CFL2: variants seen among roughly 807,000 people sequenced by gnomAD.
CFL2 encodes the protein cofilin 2, also known as cofilin-2.
A neutral mutation model predicts 19.6 loss-of-function variants in CFL2; 10 were observed. The ratio of observed to expected loss-of-function variants is 0.51; its 90% CI spans 0.31 to 0.86. CFL2 has a LOEUF of 0.86. Among genes scored for constraint, CFL2 ranks in the 40% least tolerant of loss-of-function variants. The pLI, the probability that CFL2 is intolerant of heterozygous loss-of-function variation, is 0.04. For synonymous variants in CFL2, 63 were observed against 66.7 expected, an observed-to-expected ratio of 0.95 and a Z score of 0.27; for missense variants, 125 against 192.1, an observed-to-expected ratio of 0.65 and a Z score of 2.06.
chr14:34,714,210 C>A, intron 1 of CFL2: 1 of 394,126 alleles, frequency 2.5e-6, no homozygotes, highest in Non-Finnish European at 4.5e-6. Flanking sequence ...TTTAAAGCCT[C>A]GCGTGTTAAG....
In CFL2 at chr14:34,709,536, A is replaced by G; in HGVS notation, c.*3329T>C. On this transcript the variant is annotated 3_prime_UTR_variant, in exon 4 of 4. Coordinates refer to ENST00000298159, the MANE Select transcript of CFL2 (RefSeq NM_138638.5). ...TGCATGCAATCCTAGCACTTTTGGG[A>G]GGCGGAGGTCAGAGGACAGCTTGAG... 1 of 149,784 alleles carries G rather than the reference A, an allele frequency of 6.7e-6. No individual in the cohort carries two copies. The highest frequency in any genetic ancestry group is 1.5e-5 in the Non-Finnish European group (1 of 67,738). The allele number at this position is 149,784 out of a possible 1,614,324, so 9.3% of individuals were successfully genotyped here.
rs1885329852 is a variant in CFL2, at chr14:34,712,378, T to C, written c.*487A>G. ...AAAGTGCTTTTAATGCATAGTGTTA[T>C]ATCCGTGCTGCCATATCACTAAAAT... is the stretch of plus-strand genomic sequence containing the variant. On this transcript the variant is annotated 3_prime_UTR_variant, in exon 4 of 4. Coordinates refer to ENST00000298159, the MANE Select transcript of CFL2 (RefSeq NM_138638.5). 1 of 454,640 alleles carries C rather than the reference T, an allele frequency of 2.2e-6. No individual in the cohort carries two copies. Among genetic ancestry groups the C allele is most frequent in the Non-Finnish European group, 4.4e-6 (1 of 226,944 alleles). The allele number at this position is 454,640 out of a possible 1,614,324, so 28.2% of individuals were successfully genotyped here.
In CFL2 at chr14:34,712,675, A is replaced by G; in HGVS notation, c.*190T>C. ...TCCTTGGGTTCTATATAAAAGTAAC[A>G]GTATTCAACAGTCTAATGGCAATCA... On this transcript the variant is annotated 3_prime_UTR_variant, in exon 4 of 4. Transcript: ENST00000298159. 1 of 685,998 alleles carries G rather than the reference A, an allele frequency of 1.5e-6. No homozygotes were observed. The highest frequency in any genetic ancestry group is 1.5e-5 in the South Asian group (1 of 66,594). The allele number at this position is 685,998 out of a possible 1,614,324, so 42.5% of individuals were successfully genotyped here. A position where few individuals can be genotyped will look rare whatever the true frequency, so the allele number is the denominator to read the frequency against.
In CFL2 at chr14:34,712,055, G is replaced by C. The variant is rs1472112886; in HGVS notation, c.*810C>G. ...TATTGCAACGTGGCCATTTTTGTGA[G>C]GGTGGGGAGTTTGATCTCAAAACAA... On this transcript the variant is annotated 3_prime_UTR_variant, in exon 4 of 4. Transcript: ENST00000298159. 1 of 454,394 alleles carries C rather than the reference G, an allele frequency of 2.2e-6. No homozygotes were observed. The highest frequency in any genetic ancestry group is 4.4e-6 in the Non-Finnish European group (1 of 226,780). 28.1% of individuals were successfully genotyped at this position (454,394 alleles called of 1,614,324 possible).
rs190226324 is a variant in CFL2, at chr14:34,713,733, G to A, written c.4-172C>T. 3.7e-6 allele frequency: 6 copies of A among 1,612,202 alleles called. No homozygotes were observed. In the Admixed American group the frequency reaches 1.0e-4, roughly 27 times the overall value. ...AAGAATCAGTAGACGATACAGCGAA[G>A]GAGTCTAACTCATCCTGCCCATTCA... On this transcript the variant is annotated intron_variant, in intron 1 of 3. Transcript: ENST00000298159.
rs763550520 is a variant in CFL2 at position 34,711,055 on chromosome 14, A to T, written c.*1810T>A. 3.3e-4 allele frequency: 150 copies of T among 454,136 alleles called. No individual in the cohort carries two copies. The highest frequency in any genetic ancestry group is 5.0e-4 in the South Asian group (32 of 64,476). 28.1% of individuals were successfully genotyped at this position (454,136 alleles called of 1,614,324 possible). A position where few individuals can be genotyped will look rare whatever the true frequency, so the allele number is the denominator to read the frequency against. On this transcript the variant is annotated 3_prime_UTR_variant, in exon 4 of 4. Transcript: ENST00000298159. ...GCTCAGTGCAAAAAGATCCCAAACC[A>T]TTCATATAATTTTAAATGGAAGCCT...
rs761713801 is a variant in CFL2 at position 34,712,654 on chromosome 14, T to G, written c.*211A>C. 1 of 668,334 alleles carries G rather than the reference T, an allele frequency of 1.5e-6. No homozygotes were observed. The highest frequency in any genetic ancestry group is 2.7e-6 in the Non-Finnish European group (1 of 364,812). The allele number at this position is 668,334 out of a possible 1,614,324, so 41.4% of individuals were successfully genotyped here. On this transcript the variant is annotated 3_prime_UTR_variant, in exon 4 of 4. Transcript: ENST00000298159. ...TAAAATATGACAGGAAGGCATTCCT[T>G]GGGTTCTATATAAAAGTAACAGTAT...
In CFL2 at chr14:34,711,162, C is replaced by T. The variant is rs919484519; in HGVS notation, c.*1703G>A. 2.2e-6 allele frequency: 1 copy of T among 453,804 alleles called. No homozygotes were observed. The highest frequency in any genetic ancestry group is 1.6e-5 in the South Asian group (1 of 64,274). The allele number at this position is 453,804 out of a possible 1,614,324, so 28.1% of individuals were successfully genotyped here. A position where few individuals can be genotyped will look rare whatever the true frequency, so the allele number is the denominator to read the frequency against. ...AAAAAATCTAATTATACTAAAATTA[C>T]TTCCACACATTCAAAAAAAATTTTT... On this transcript the variant is annotated 3_prime_UTR_variant, in exon 4 of 4. Coordinates refer to ENST00000298159, the MANE Select transcript of CFL2 (RefSeq NM_138638.5).
At chr14:34,714,480 C>T in intron 1 of CFL2, 58 bp downstream of exon 1, 5 of 1,534,878 alleles carry the variant, frequency 3.3e-6, no homozygotes, top group African/African-American at 1.4e-5. Flanking sequence ...ACTCCCGGGG[C>T]CGTGCGGGGG....
chr14:34,711,887 CAT>C lies in CFL2; in HGVS notation c.*976_*977del. ...TCCAACAAATCTGGAAAATATCACACATGAATGCTGTACAAAAAAAATTCTCA... is the reference window on the plus strand; with the variant it reads ...TCCAACAAATCTGGAAAATATCACACGAATGCTGTACAAAAAAAATTCTCA... On this transcript the variant is annotated 3_prime_UTR_variant, in exon 4 of 4. Transcript: ENST00000298159. The C allele has an allele frequency of 2.2e-6, 1 of 454,380 alleles. No individual in the cohort carries two copies. Among genetic ancestry groups the C allele is most frequent in the Non-Finnish European group, 4.4e-6 (1 of 226,746 alleles). The allele number at this position is 454,380 out of a possible 1,614,324, so 28.1% of individuals were successfully genotyped here.
At chr14:34,714,296 G>A (rs1447490654) in intron 1 of CFL2, 3 of 429,658 alleles carry the variant, frequency 7.0e-6, no homozygotes. Flanking sequence ...CCGCCCGCCC[G>A]GCCCCGACCC....
In CFL2 at chr14:34,711,900, CA is replaced by C. The variant is rs758463033; in HGVS notation, c.*964del. ...GAAAATATCACACATGAATGCTGTA[CA>C]AAAAAAATTCTCAAATGACCAGTGC... On this transcript the variant is annotated 3_prime_UTR_variant, in exon 4 of 4. Transcript: ENST00000298159. 4.4e-6 allele frequency: 2 copies of C among 453,840 alleles called. No individual in the cohort carries two copies. The highest frequency in any genetic ancestry group is 8.8e-6 in the Non-Finnish European group (2 of 226,592). The allele number at this position is 453,840 out of a possible 1,614,324, so 28.1% of individuals were successfully genotyped here.
rs1374002227 is a variant in CFL2, at chr14:34,711,399, G to A, written c.*1466C>T. ...GCTAACAGCAAACCGCTCACACTGA[G>A]CAGATCAAATTCTCTATAAGGAGCA... On this transcript the variant is annotated 3_prime_UTR_variant, in exon 4 of 4. Transcript: ENST00000298159. 2 of 454,508 alleles carry A rather than the reference G, an allele frequency of 4.4e-6. No individual in the cohort carries two copies. The highest frequency in any genetic ancestry group is 3.1e-5 in the South Asian group (2 of 64,482). The allele number at this position is 454,508 out of a possible 1,614,324, so 28.2% of individuals were successfully genotyped here. A position where few individuals can be genotyped will look rare whatever the true frequency, so the allele number is the denominator to read the frequency against.
rs1194324751 is a variant in CFL2 at position 34,711,326 on chromosome 14, A to G, written c.*1539T>C. ...TCAAGTCCAGTTTTGCCATTTGTGGATAACTATGACAAGATACAAAAGCAT... is the reference window on the plus strand; with the variant it reads ...TCAAGTCCAGTTTTGCCATTTGTGGGTAACTATGACAAGATACAAAAGCAT... On this transcript the variant is annotated 3_prime_UTR_variant, in exon 4 of 4. Transcript: ENST00000298159. 1.1e-5 allele frequency: 5 copies of G among 454,386 alleles called. No homozygotes were observed. Among genetic ancestry groups the G allele is most frequent in the South Asian group, 1.6e-5 (1 of 64,486 alleles). 28.1% of individuals were successfully genotyped at this position (454,386 alleles called of 1,614,324 possible). A position where few individuals can be genotyped will look rare whatever the true frequency, so the allele number is the denominator to read the frequency against.
At chr14:34,713,758 A>T (rs1415368537) in intron 1 of CFL2, 197 bp from the exon 2 acceptor site, 2 of 1,611,938 alleles carry the variant, frequency 1.2e-6, no homozygotes, top group Admixed American at 1.7e-5. Context: ...CTGCCCATTC[A>T]TCCTTCTTAA....
rs898807329 is a variant in CFL2 at position 34,711,830 on chromosome 14, C to T, written c.*1035G>A. ...ACAATGGTATTTTATATTAGTTGGC[C>T]TTAAGATAGAATACTTTTTAAACCA... is the stretch of plus-strand genomic sequence containing the variant. On this transcript the variant is annotated 3_prime_UTR_variant, in exon 4 of 4. Transcript: ENST00000298159. 2.2e-6 allele frequency: 1 copy of T among 453,662 alleles called. No homozygotes were observed. The highest frequency in any genetic ancestry group is 2.0e-5 in the African/African-American group (1 of 49,916). The allele number at this position is 453,662 out of a possible 1,614,324, so 28.1% of individuals were successfully genotyped here. A position where few individuals can be genotyped will look rare whatever the true frequency, so the allele number is the denominator to read the frequency against.
In CFL2 at chr14:34,711,641, C is replaced by A; in HGVS notation, c.*1224G>T. On this transcript the variant is annotated 3_prime_UTR_variant, in exon 4 of 4. Coordinates refer to ENST00000298159, the MANE Select transcript of CFL2 (RefSeq NM_138638.5). ...GCTTCCTGCTTCTACTATACAACTA[C>A]TTAGAAATGTAAATGTGAATAAAAA... 2.2e-6 allele frequency: 1 copy of A among 447,284 alleles called. No homozygotes were observed. Among genetic ancestry groups the A allele is most frequent in the South Asian group, 1.6e-5 (1 of 62,492 alleles). 27.7% of individuals were successfully genotyped at this position (447,284 alleles called of 1,614,324 possible).
At chr14:34,714,167 C>G (rs1302216583) in intron 1 of CFL2, 3 of 374,424 alleles carry the variant, frequency 8.0e-6, no homozygotes, top group Non-Finnish European at 1.4e-5. Context: ...CGTCCAGACC[C>G]TGACCCACAC....
chr14:34,714,568 A>G lies in CFL2; in HGVS notation c.-28T>C, dbSNP rs2138477626. On this transcript the variant is annotated 5_prime_UTR_variant, in exon 1 of 4. Coordinates refer to ENST00000298159, the MANE Select transcript of CFL2 (RefSeq NM_138638.5). ...TGCCCTCGGCTGTGGCTGCGGCGGC[A>G]GCTCGGGCTTCGGCTCTGTGGCACT... The G allele has an allele frequency of 6.4e-7, 1 of 1,570,968 alleles. No homozygotes were observed. The highest frequency in any genetic ancestry group is 2.3e-5 in the East Asian group (1 of 42,562).
Sources: allele counts gnomAD v4.1 joint callset, GRCh38; gene constraint gnomAD v4.1.1; transcripts MANE v1.5; gene names NCBI Gene and HGNC (gene_info 2026-07-23, HGNC 2026-07-21).